SPART: variants seen among roughly 807,000 people sequenced by gnomAD.
SPART encodes spartin, also known as spastic paraplegia 20 (Troyer syndrome).
A neutral mutation model predicts 58.7 loss-of-function variants in SPART; 35 were observed. The ratio of observed to expected loss-of-function variants is 0.60; its 90% confidence interval spans 0.46 to 0.79. The LOEUF is 0.79. SPART is among the 30% of genes least tolerant of loss of function. SPART has a pLI of 0.00. For synonymous variants in SPART, 284 were observed against 280.7 expected (o/e 1.01, Z -0.12); for missense variants, 730 against 786.1 (o/e 0.93, Z 0.85).
In SPART at chr13:36,364,016, A is replaced by G. The variant is rs375169046; in HGVS notation, c.-3+6073T>C. On this transcript the variant is annotated intron_variant, in intron 1 of 8. Coordinates refer to the SPART transcript ENST00000355182. ...TTTTTTGGGCTGGGGGACGGTATGC[A>G]GTAGTATAAAGTTTTACATATCTGT... 2.6e-5 allele frequency among the ~76,000 whole-genome samples: 4 copies of G among 152,228 alleles called. No homozygotes were observed. In the South Asian group the frequency reaches 6.2e-4, roughly 24 times the overall value.
chr13:36,335,267 T>A lies in SPART; in HGVS notation c.564A>T (p.Gly188=). 1.6e-5 allele frequency: 26 copies of A among 1,614,094 alleles called. No individual in the cohort carries two copies. Among genetic ancestry groups the A allele is most frequent in the Non-Finnish European group, 2.2e-5 (26 of 1,180,002 alleles). Residue 188 remains glycine, a synonymous_variant, in exon 2 of 9, where the codon GGA becomes GGT. Transcript: ENST00000438666. ...CTGATGAAAACTCCCCAGAATCTGT[T>A]CCATAGGATACAGTGTAGTGACCTT... ...AAEGHYTVSY[G]TDSGEFSSVG...
At chr13:36,359,464 A>G (rs1885753309) in intron 1 of SPART, among the ~76,000 whole-genome samples, 1 of 152,218 alleles carries the variant, frequency 6.6e-6, no homozygotes, top group Non-Finnish European at 1.5e-5. Flanking sequence ...TCTTCAGGTT[A>G]GCTGTAAATA....
In SPART at chr13:36,326,656, C is replaced by A. The variant is rs1882965660; in HGVS notation, c.1207G>T (p.Val403Leu). 1.2e-6 allele frequency: 2 copies of A among 1,613,118 alleles called. No homozygotes were observed. The highest frequency in any genetic ancestry group is 1.7e-6 in the Non-Finnish European group (2 of 1,179,814). Reference sequence around the variant, plus strand: ...TCTTCTGGAACTGGCTCACATGGTACAATGTGACTCAGGTTAACTTCTTCA... The same window carrying A: ...TCTTCTGGAACTGGCTCACATGGTAAAATGTGACTCAGGTTAACTTCTTCA... ...SSEEVNLSHI[V>L]PCEPVPEEKP... The change falls in exon 5 of 9, where the codon GTA becomes TTA. Residue 403 changes from valine to leucine, a missense_variant. Coordinates refer to ENST00000438666, the MANE Select transcript of SPART (RefSeq NM_015087.5).
intron 3 of SPART, among the ~76,000 whole-genome samples, chr13:36,330,117 C>T (rs1294018882): frequency 6.6e-6 from 1 of 152,108 alleles, no homozygotes; most frequent in Non-Finnish European, 1.5e-5. Context: ...TAAAAGTCTG[C>T]TTAGTTTCTT....
chr13:36,364,296 G>A (rs1885976796), intron 1 of SPART, among the ~76,000 whole-genome samples: 2 of 152,206 alleles, frequency 1.3e-5, no homozygotes, highest in South Asian at 4.1e-4. Context: ...TCTGTACCAT[G>A]AGCTCCAACA....
At chr13:36,345,435 T>C (rs990981764) in intron 1 of SPART, 11 of 152,074 alleles carry the variant, frequency 7.2e-5, no homozygotes, top group South Asian at 4.1e-4. Context: ...CAAAGAAAAA[T>C]TGCTACATTC....
At chr13:36,367,841 G>A (rs1234157582) in intron 1 of SPART, among the ~76,000 whole-genome samples, 7 of 152,064 alleles carry the variant, frequency 4.6e-5, no homozygotes, top group Admixed American at 3.3e-4. Context: ...ATATGTCTGA[G>A]TTTTTGGCCT....
At chr13:36,359,923 T>TAAAAAAAAAA (rs375878141) in intron 1 of SPART, among the ~76,000 whole-genome samples, 1 of 120,304 alleles carries the variant, frequency 8.3e-6, no homozygotes, top group Non-Finnish European at 1.6e-5. Flanking sequence ...GTTGTTAATT[T>TAAAAAAAAAA]AAAAAAAAAA....
intron 5 of SPART, among the ~76,000 whole-genome samples, chr13:36,325,081 G>T (rs1040164679): frequency 3.3e-5 from 5 of 152,128 alleles, no homozygotes; most frequent in African/African-American, 7.2e-5. Flanking sequence ...GGGCATATAC[G>T]TCAAGTCACC....
intron 5 of SPART, among the ~76,000 whole-genome samples, chr13:36,315,261 G>A (rs1054078203): frequency 2.0e-5 from 3 of 152,166 alleles, no homozygotes; most frequent in African/African-American, 7.2e-5. Context: ...GAAAGGAGTG[G>A]GAGAGGGATG....
rs1881467598 is a variant in SPART, at chr13:36,314,429, A to G, written c.1289-8T>C. 6.2e-7 allele frequency: 1 copy of G among 1,613,992 alleles called. No homozygotes were observed. The highest frequency in any genetic ancestry group is 8.5e-7 in the Non-Finnish European group (1 of 1,179,900). On this transcript the variant is annotated splice_region_variant and splice_polypyrimidine_tract_variant and intron_variant, in intron 5 of 8. Coordinates refer to ENST00000438666, the MANE Select transcript of SPART (RefSeq NM_015087.5). The stretch of plus-strand genomic sequence containing the variant: ...AACTCACCCAGGAAGCACCTTTTTA[A>G]AAGAAAATTTAAAATTGCACAATAT...
At chr13:36,315,959 C>T (rs546289617) in intron 5 of SPART, among the ~76,000 whole-genome samples, 18 of 152,216 alleles carry the variant, frequency 1.2e-4, no homozygotes, top group African/African-American at 4.3e-4. Flanking sequence ...CACATATCAC[C>T]ATGGAAGTAT....
chr13:36,357,232 T>TTG (rs1885654760), intron 1 of SPART, among the ~76,000 whole-genome samples: 1 of 152,210 alleles, frequency 6.6e-6, no homozygotes, highest in African/African-American at 2.4e-5. Context: ...ATCTGGGACC[T>TTG]GCTTCCTGAG....
chr13:36,319,802 T>C lies in SPART; in HGVS notation c.1289-5381A>G, dbSNP rs1047969461. On this transcript the variant is annotated intron_variant, in intron 5 of 8. Transcript: ENST00000438666. The stretch of plus-strand genomic sequence containing the variant: ...GCTCAGCAAATTACCTAGGCTGTAC[T>C]GCCACAAAGCTTCTCAGACAGCCCC... 1.0e-4 allele frequency among the ~76,000 whole-genome samples: 15 copies of C among 144,806 alleles called. No individual in the cohort carries two copies. The Admixed American group carries it at 1.1e-3, about 10-fold the overall frequency. The allele number at this position is 144,806 out of a possible 152,430, so 95.0% of individuals were successfully genotyped here.
Position 36,302,989 on chromosome 13 carries a change from C to G in SPART, c.*1376G>C, listed in dbSNP as rs1410294202. On this transcript the variant is annotated 3_prime_UTR_variant, in exon 9 of 9. Transcript: ENST00000438666. The stretch of plus-strand genomic sequence containing the variant: ...AAATGAGAATATATGAAGTGCCATT[C>G]CATTTCTTAAACAAAGCATAGACTG... 1 of 152,172 alleles carries G rather than the reference C, an allele frequency of 6.6e-6. No individual in the cohort carries two copies. The highest frequency in any genetic ancestry group is 2.4e-5 in the African/African-American group (1 of 41,442). 9.4% of individuals were successfully genotyped at this position (152,172 alleles called of 1,614,324 possible).
chr13:36,366,771 C>T (rs927769414), intron 1 of SPART, among the ~76,000 whole-genome samples: 1 of 147,150 alleles, frequency 6.8e-6, no homozygotes, highest in Non-Finnish European at 1.5e-5. Context: ...CTCCTTAAAA[C>T]CACCCTACGT....
chr13:36,304,185 A>C lies in SPART; in HGVS notation c.*180T>G. On this transcript the variant is annotated 3_prime_UTR_variant, in exon 9 of 9. Coordinates refer to ENST00000438666, the MANE Select transcript of SPART (RefSeq NM_015087.5). ...CTTCACATTTCTAAGGCCAGATGCA[A>C]GAATACTTATTCTTTTCCTTTTAAA... is the stretch of plus-strand genomic sequence containing the variant. The C allele has an allele frequency of 1.4e-6, 1 of 703,284 alleles. No homozygotes were observed. The highest frequency in any genetic ancestry group is 2.4e-6 in the Non-Finnish European group (1 of 423,036). The allele number at this position is 703,284 out of a possible 1,614,324, so 43.6% of individuals were successfully genotyped here. A position where few individuals can be genotyped will look rare whatever the true frequency, so the allele number is the denominator to read the frequency against.
rs890125865 is a variant in SPART, at chr13:36,304,087, T to C, written c.*278A>G. 9.2e-5 allele frequency: 45 copies of C among 486,954 alleles called. No homozygotes were observed. In the Middle Eastern group the frequency reaches 2.3e-3, roughly 25 times the overall value. The allele number at this position is 486,954 out of a possible 1,614,324, so 30.2% of individuals were successfully genotyped here. On this transcript the variant is annotated 3_prime_UTR_variant, in exon 9 of 9. Transcript: ENST00000438666. ...GGTTTAACAAGGTTTGAACAACACA[T>C]GTACTATCAGCTTTATTTTACCTGC...
At chr13:36,343,196 C>T (rs1884743248) in intron 1 of SPART, among the ~76,000 whole-genome samples, 1 of 152,140 alleles carries the variant, frequency 6.6e-6, no homozygotes, top group South Asian at 2.1e-4. Context: ...TTACAACTTA[C>T]AGAATTAGTT....
Sources: gnomAD v4.1 joint callset for allele counts (sites outside exome capture counted in the v4.1 genomes callset) on GRCh38, gnomAD v4.1.1 for gene constraint, MANE v1.5 for transcripts, NCBI Gene and HGNC (gene_info 2026-07-23, HGNC 2026-07-21) for gene names.